Variants in CEP112 observed in about 807,000 individuals in gnomAD.
CEP112 encodes the protein centrosomal protein of 112 kDa.
In CEP112, 127 loss-of-function variants were observed where a neutral mutation model predicts 153.0. The ratio of observed to expected loss-of-function variants is 0.83; its 90% CI spans 0.72 to 0.96. The LOEUF is 0.96. Among genes scored for constraint, CEP112 ranks in the 40% least tolerant of loss-of-function variants. CEP112 has a pLI of 0.00. For missense variants in CEP112, 1,089 were observed against 1,101.2 expected (o/e 0.99, Z 0.16); for synonymous variants, 358 against 374.4 (o/e 0.96, Z 0.51).
intron 6 of CEP112, among the ~76,000 whole-genome samples, chr17:66,106,501 G>A (rs896487324): frequency 5.3e-5 from 8 of 151,858 alleles, no homozygotes; most frequent in South Asian, 4.2e-4. Flanking sequence ...ATCATTAGAC[G>A]CTACTATGAG....
At chr17:65,888,137 G>A (rs1421876967) in intron 20 of CEP112, among the ~76,000 whole-genome samples, 1 of 152,154 alleles carries the variant, frequency 6.6e-6, no homozygotes, top group Non-Finnish European at 1.5e-5. Context: ...CATTTCTTGA[G>A]TGTAATGGAT....
chr17:65,638,164 G>C (rs1040994976), intron 25 of CEP112, among the ~76,000 whole-genome samples: 2 of 152,218 alleles, frequency 1.3e-5, no homozygotes, highest in African/African-American at 4.8e-5. Context: ...CCATTCTTAG[G>C]GGGCTGGAGG....
chr17:66,173,314 T>G (rs2072323500), intron 4 of CEP112, among the ~76,000 whole-genome samples: 1 of 152,170 alleles, frequency 6.6e-6, no homozygotes, highest in Non-Finnish European at 1.5e-5. Context: ...TTAGAAAGAT[T>G]TCTAGGTGTC....
intron 24 of CEP112, among the ~76,000 whole-genome samples, chr17:65,666,453 T>C (rs2046697641): frequency 6.6e-6 from 1 of 152,194 alleles, no homozygotes; most frequent in African/African-American, 2.4e-5. Flanking sequence ...GGTTCATTGG[T>C]CCCTTGTGCT....
At chr17:65,860,535 C>G (rs918691349) in intron 20 of CEP112, among the ~76,000 whole-genome samples, 1 of 152,218 alleles carries the variant, frequency 6.6e-6, no homozygotes, top group East Asian at 1.9e-4. Flanking sequence ...ACAGTATAGT[C>G]TTATCATAGA....
At chr17:66,167,438 G>A (rs2072025846) in intron 4 of CEP112, among the ~76,000 whole-genome samples, 1 of 145,844 alleles carries the variant, frequency 6.9e-6, no homozygotes, top group Admixed American at 7.0e-5. Context: ...CCCGAAGTTA[G>A]TACTACCACT....
At chr17:65,822,140 G>C (rs950090129) in intron 21 of CEP112, among the ~76,000 whole-genome samples, 16 of 151,758 alleles carry the variant, frequency 1.1e-4, no homozygotes, top group Admixed American at 6.6e-4. Context: ...AGGGAGTAAT[G>C]TAGTATACTA....
chr17:65,643,933 C>A (rs902687712), intron 24 of CEP112, among the ~76,000 whole-genome samples: 4 of 152,150 alleles, frequency 2.6e-5, no homozygotes, highest in Admixed American at 1.3e-4. Context: ...CACAGCACTG[C>A]CTACAGAAAT....
intron 4 of CEP112, among the ~76,000 whole-genome samples, chr17:66,147,587 C>A (rs1049715741): frequency 2.6e-5 from 4 of 152,022 alleles, no homozygotes; most frequent in Non-Finnish European, 5.9e-5. Context: ...GAAATCACTG[C>A]CAAGACCAAT....
intron 1 of CEP112, among the ~76,000 whole-genome samples, chr17:66,186,716 T>G (rs1362863102): frequency 6.6e-6 from 1 of 152,224 alleles, no homozygotes; most frequent in Admixed American, 6.5e-5. Context: ...GGCACTGCCT[T>G]ATAGTCAGAT....
intron 20 of CEP112, among the ~76,000 whole-genome samples, chr17:65,891,354 C>T (rs2059458481): frequency 6.6e-6 from 1 of 152,146 alleles, no homozygotes; most frequent in South Asian, 2.1e-4. Flanking sequence ...GCATATCCAA[C>T]TCGCTGTCTG....
At chr17:65,841,718 CACA>C (rs1298734836) in intron 21 of CEP112, among the ~76,000 whole-genome samples, 4 of 151,946 alleles carry the variant, frequency 2.6e-5, no homozygotes, top group African/African-American at 7.2e-5. Flanking sequence ...CTGATTTGAT[CACA>C]ACACTTTGCA....
Position 65,641,043 on chromosome 17 carries a change from T to A in CEP112, c.2720A>T (p.Tyr907Phe), listed in dbSNP as rs766702977. ...QEQITYIRQE[Y>F]ETKLKGLMPA... ...CATCAATCCTTTCAATTTTGTTTCATATTCTTGTCGTATGTAAGTTATCTA... is the reference window on the plus strand; with the variant it reads ...CATCAATCCTTTCAATTTTGTTTCAAATTCTTGTCGTATGTAAGTTATCTA... The change falls in exon 25 of 27, where the codon TAT (tyrosine) becomes TTT (phenylalanine). Residue 907 changes from tyrosine (Y) to phenylalanine (F), a missense_variant. Physicochemically the swap from Tyr to Phe is conservative, Grantham distance 22. Coordinates refer to ENST00000535342, the MANE Select transcript of CEP112 (RefSeq NM_001199165.4). The A allele has an allele frequency of 6.2e-7, 1 of 1,605,930 alleles. No individual in the cohort carries two copies. Among genetic ancestry groups the A allele is most frequent in the South Asian group, 1.1e-5 (1 of 90,858 alleles).
intron 23 of CEP112, among the ~76,000 whole-genome samples, chr17:65,704,754 A>C (rs560702789): frequency 3.9e-5 from 6 of 152,306 alleles, no homozygotes; most frequent in South Asian, 2.1e-4. Flanking sequence ...GACGGATAGA[A>C]ATCATTCACG....
intron 18 of CEP112, among the ~76,000 whole-genome samples, chr17:65,957,939 T>A (rs554414280): frequency 6.6e-6 from 1 of 152,234 alleles, no homozygotes; most frequent in Non-Finnish European, 1.5e-5. Flanking sequence ...CAACTCTTGC[T>A]ATTCATCTAC....
rs201217292 is a variant in CEP112, at chr17:66,132,487, G to T, written c.564+183C>A. ...ACACCTCAGAATCATTGAGGAAGTAGAAGGGATACTACACTATATACCAAA... is the reference window on the plus strand; with the variant it reads ...ACACCTCAGAATCATTGAGGAAGTATAAGGGATACTACACTATATACCAAA... On this transcript the variant is annotated intron_variant, in intron 5 of 26. Coordinates refer to ENST00000535342, the MANE Select transcript of CEP112 (RefSeq NM_001199165.4). 4.6e-5 allele frequency among the ~76,000 whole-genome samples: 7 copies of T among 152,262 alleles called. No individual in the cohort carries two copies. The East Asian group carries it at 1.4e-3, about 29-fold the overall frequency.
intron 23 of CEP112, among the ~76,000 whole-genome samples, chr17:65,690,113 C>CAAAAAAAAAAAAAAAAAAAAAAAAACA (rs2048026296): frequency 1.6e-5 from 1 of 62,578 alleles, no homozygotes; most frequent in Non-Finnish European, 3.0e-5. Context: ...GAAAACAGAC[C>CAAAAAAAAAAAAAAAAAAAAAAAAACA]AAAAAAAAAA....
chr17:66,025,920 T>TACACACACACACACACAC (rs759825168), intron 16 of CEP112, among the ~76,000 whole-genome samples: 28,533 of 124,104 alleles, frequency 0.23, 3,923 homozygotes, highest in South Asian at 0.33. Flanking sequence ...AAATGTGGCA[T>TACACACACACACACACAC]ACACACACAC....
intron 12 of CEP112, among the ~76,000 whole-genome samples, chr17:66,035,480 T>C (rs986260363): frequency 3.3e-5 from 5 of 152,112 alleles, no homozygotes; most frequent in Non-Finnish European, 7.3e-5. Flanking sequence ...ACTGGTACCC[T>C]TGTGCACTGC....
Sources: allele counts gnomAD v4.1 joint callset (sites outside exome capture counted in the v4.1 genomes callset), GRCh38; gene constraint gnomAD v4.1.1; transcripts MANE v1.5; gene names NCBI Gene and HGNC (gene_info 2026-07-23, HGNC 2026-07-21).